Variants in NDUFAF2 observed in about 807,000 individuals in gnomAD.
NDUFAF2 encodes the protein NADH:ubiquinone oxidoreductase complex assembly factor 2.
A neutral mutation model predicts 22.8 loss-of-function variants in NDUFAF2; 13 were observed. The observed-to-expected ratio is 0.57, with a 90% CI of 0.37 to 0.91. NDUFAF2 has a LOEUF of 0.91. Ranked by LOEUF, NDUFAF2 falls within the 40% of genes least tolerant of loss-of-function variation. The pLI is 0.01. For missense variants in NDUFAF2, 162 were observed against 195.2 expected, an observed-to-expected ratio of 0.83 and a Z score of 1.01; for synonymous variants, 53 against 64.2, an observed-to-expected ratio of 0.83 and a Z score of 0.84.
At chr5:61,136,401 C>A (rs548805829) in intron 3 of NDUFAF2, among the ~76,000 whole-genome samples, 10 of 152,078 alleles carry the variant, frequency 6.6e-5, no homozygotes, top group African/African-American at 2.2e-4. Context: ...GAAGTGTTTC[C>A]TCTCTCTCCA....
chr5:61,040,458 G>T (rs1580108550), intron 1 of NDUFAF2, among the ~76,000 whole-genome samples: 1 of 151,968 alleles, frequency 6.6e-6, no homozygotes, highest in East Asian at 1.9e-4. Flanking sequence ...CAGAGACAAT[G>T]AATTTCTGTT....
At chr5:61,143,091 A>G (rs554952169) in intron 3 of NDUFAF2, among the ~76,000 whole-genome samples, 143 of 152,282 alleles carry the variant, frequency 9.4e-4, no homozygotes, top group African/African-American at 3.2e-3. Flanking sequence ...TTCAACTCTG[A>G]ACGTTTTGAA....
chr5:61,088,340 C>G (rs1442427284), intron 2 of NDUFAF2, among the ~76,000 whole-genome samples: 1 of 151,992 alleles, frequency 6.6e-6, no homozygotes, highest in African/African-American at 2.4e-5. Flanking sequence ...GGGTCCTACC[C>G]TCATTCAAGG....
At chr5:60,983,685 A>C (rs974320117) in intron 1 of NDUFAF2, among the ~76,000 whole-genome samples, 1 of 150,912 alleles carries the variant, frequency 6.6e-6, no homozygotes, top group Non-Finnish European at 1.5e-5. Flanking sequence ...TGTTTTTGTC[A>C]GGTTTGTCAA....
chr5:61,118,517 TAGTA>T (rs1027155069), intron 3 of NDUFAF2, among the ~76,000 whole-genome samples: 21 of 152,158 alleles, frequency 1.4e-4, no homozygotes, highest in African/African-American at 4.6e-4. Flanking sequence ...TTCTGACAGA[TAGTA>T]AGTCAGATTT....
chr5:61,018,327 A>G (rs1751538237), intron 1 of NDUFAF2, among the ~76,000 whole-genome samples: 1 of 152,152 alleles, frequency 6.6e-6, no homozygotes, highest in Non-Finnish European at 1.5e-5. Flanking sequence ...GGCTTAATTT[A>G]TTCTTTTGTT....
intron 3 of NDUFAF2, among the ~76,000 whole-genome samples, chr5:61,147,384 G>A (rs1349199885): frequency 6.7e-6 from 1 of 148,702 alleles, no homozygotes; most frequent in Non-Finnish European, 1.5e-5. Context: ...GAGTAGCTGG[G>A]ACCACAGCTG....
At chr5:61,105,146 C>A (rs1054688942) in intron 3 of NDUFAF2, among the ~76,000 whole-genome samples, 1 of 146,896 alleles carries the variant, frequency 6.8e-6, no homozygotes, top group African/African-American at 2.7e-5. Flanking sequence ...ATGTTACTGG[C>A]CCTGCAGCTA....
intron 1 of NDUFAF2, among the ~76,000 whole-genome samples, chr5:60,959,546 C>T (rs1020562678): frequency 6.6e-6 from 1 of 151,842 alleles, no homozygotes; most frequent in Non-Finnish European, 1.5e-5. Context: ...TAGTAAGTAA[C>T]ATTCTTTCTT....
chr5:61,022,677 C>G (rs752868535), intron 1 of NDUFAF2, among the ~76,000 whole-genome samples: 7 of 152,202 alleles, frequency 4.6e-5, no homozygotes, highest in Admixed American at 2.6e-4. Flanking sequence ...CGGAGTCTCG[C>G]TCTGTGGCCC....
intron 3 of NDUFAF2, among the ~76,000 whole-genome samples, chr5:61,127,972 C>T (rs543198110): frequency 5.3e-5 from 8 of 151,982 alleles, no homozygotes; most frequent in Non-Finnish European, 1.0e-4. Context: ...AATCAATGTG[C>T]GAAAATCACA....
At chr5:60,985,534 T>G (rs966259904) in intron 1 of NDUFAF2, among the ~76,000 whole-genome samples, 1 of 152,214 alleles carries the variant, frequency 6.6e-6, no homozygotes, top group Non-Finnish European at 1.5e-5. Flanking sequence ...GGGCATCTAG[T>G]GCTATAAATT....
intron 1 of NDUFAF2, among the ~76,000 whole-genome samples, chr5:61,051,425 T>A (rs1275582255): frequency 1.3e-5 from 2 of 152,174 alleles, no homozygotes; most frequent in Non-Finnish European, 2.9e-5. Flanking sequence ...ACAAAGTTGT[T>A]ATCATGCTGA....
In NDUFAF2 at chr5:61,014,688, C is replaced by G. The variant is rs138423731; in HGVS notation, c.128-58437C>G. The stretch of plus-strand genomic sequence containing the variant: ...GAATTAAATTCAATTTTAGGACACC[C>G]AGGTGGTGTCTGGAGAGTTGAATAA... On this transcript the variant is annotated intron_variant, in intron 1 of 3. Transcript: ENST00000296597. 3.2e-3 allele frequency among the ~76,000 whole-genome samples: 487 copies of G among 152,234 alleles called. 3 individuals are homozygous for G. The highest frequency in any genetic ancestry group is 0.011 in the African/African-American group (466 of 41,550).
At chr5:60,956,876 T>C (rs1750623208) in intron 1 of NDUFAF2, among the ~76,000 whole-genome samples, 1 of 152,190 alleles carries the variant, frequency 6.6e-6, no homozygotes, top group Admixed American at 6.5e-5. Flanking sequence ...ATTTTATTTT[T>C]TTTAGTTAAA....
At chr5:61,044,200 TA>T (rs748763456) in intron 1 of NDUFAF2, among the ~76,000 whole-genome samples, 8 of 151,842 alleles carry the variant, frequency 5.3e-5, no homozygotes, top group Admixed American at 1.3e-4. Flanking sequence ...TTAATCAGGT[TA>T]TTTTTTTTTT....
In NDUFAF2 at chr5:61,152,999, T is replaced by G. The variant is rs1277705330; in HGVS notation, c.*44T>G. 4 of 1,601,972 alleles carry G rather than the reference T, an allele frequency of 2.5e-6. No individual in the cohort carries two copies. Among genetic ancestry groups the G allele is most frequent in the Non-Finnish European group, 3.4e-6 (4 of 1,171,174 alleles). Reference sequence around the variant, plus strand: ...TTTTCATGTATATGGATGTGACTATTTTAACAAATAAAAGAAGTGAAAAGT... The same window carrying G: ...TTTTCATGTATATGGATGTGACTATGTTAACAAATAAAAGAAGTGAAAAGT... On this transcript the variant is annotated 3_prime_UTR_variant, in exon 4 of 4. Transcript: ENST00000296597.
chr5:61,102,619 G>A (rs1164507638), intron 3 of NDUFAF2, among the ~76,000 whole-genome samples: 1 of 152,010 alleles, frequency 6.6e-6, no homozygotes, highest in African/African-American at 2.4e-5. Flanking sequence ...ACAGGAGACA[G>A]AACAATCTGT....
chr5:61,014,563 G>C (rs1751483008), intron 1 of NDUFAF2, among the ~76,000 whole-genome samples: 1 of 152,178 alleles, frequency 6.6e-6, no homozygotes, highest in African/African-American at 2.4e-5. Flanking sequence ...AGGAAGTACA[G>C]ATGGCAACCT....
Sources: gnomAD v4.1 joint callset for allele counts (sites outside exome capture counted in the v4.1 genomes callset) on GRCh38, gnomAD v4.1.1 for gene constraint, MANE v1.5 for transcripts, NCBI Gene and HGNC (gene_info 2026-07-23, HGNC 2026-07-21) for gene names.